Variants in AGBL1 observed in about 807,000 individuals in gnomAD.
The protein encoded by AGBL1 is AGBL carboxypeptidase 1.
In AGBL1, 130 loss-of-function variants were observed where a neutral mutation model predicts 118.9. That is an observed-to-expected ratio of 1.09 (90% CI 0.95 to 1.26). AGBL1 has a LOEUF of 1.26. Ranked by LOEUF, AGBL1 falls within the 50% of genes most tolerant of loss-of-function variation. The probability of loss-of-function intolerance (pLI) is 0.00; values close to 1 mark genes in which losing one functional copy is unlikely to be tolerated. For synonymous variants in AGBL1, 555 were observed against 478.9 expected, an observed-to-expected ratio of 1.16 and a Z score of -2.08; for missense variants, 1,584 against 1,298.1, an observed-to-expected ratio of 1.22 and a Z score of -3.38.
At chr15:86,141,621 C>T (rs1001905516) in intron 1 of AGBL1, among the ~76,000 whole-genome samples, 4 of 152,024 alleles carry the variant, frequency 2.6e-5, no homozygotes, top group Admixed American at 6.5e-5. Context: ...ACTGCACCCC[C>T]GCCTGGGCAA....
chr15:86,901,278 A>T (rs4470115), intron 22 of AGBL1, among the ~76,000 whole-genome samples: 3 of 151,994 alleles, frequency 2.0e-5, no homozygotes, highest in African/African-American at 4.8e-5. Flanking sequence ...AAAGAATTCC[A>T]TCATAAGTTT....
intron 23 of AGBL1, among the ~76,000 whole-genome samples, chr15:86,932,059 A>G (rs1195099598): frequency 6.6e-6 from 1 of 152,154 alleles, no homozygotes; most frequent in Non-Finnish European, 1.5e-5. Context: ...TATCTTATCT[A>G]GCTTGTACAG....
chr15:86,267,010 C>T lies in AGBL1; in HGVS notation c.1772C>T (p.Ser591Phe). Residue 591 changes from serine to phenylalanine, a missense_variant, in exon 13 of 23, where the codon TCC becomes TTC. By Grantham distance (155) the Ser-to-Phe change is radical (BLOSUM62 -2). Coordinates refer to ENST00000614907, the MANE Select transcript of AGBL1 (RefSeq NM_001386094.1). ...TGTAGGCCTTTGCAAGACAATGCTT[C>T]CAATTGTTTACGGTTCTTCTCCAAA... ...DEPWPLQDNASNCLRFFSKFE... is the reference protein window; with the variant it reads ...DEPWPLQDNAFNCLRFFSKFE... 3 of 1,570,794 alleles carry T rather than the reference C, an allele frequency of 1.9e-6. No individual in the cohort carries two copies. The highest frequency in any genetic ancestry group is 1.2e-5 in the South Asian group (1 of 85,250).
At chr15:86,276,703 T>A (rs2079257628) in intron 15 of AGBL1, among the ~76,000 whole-genome samples, 1 of 152,128 alleles carries the variant, frequency 6.6e-6, no homozygotes, top group African/African-American at 2.4e-5. Context: ...TGAAGAAGAC[T>A]TAGCTAAATA....
At chr15:86,186,489 G>C (rs888829564) in intron 5 of AGBL1, among the ~76,000 whole-genome samples, 4 of 152,158 alleles carry the variant, frequency 2.6e-5, no homozygotes, top group Non-Finnish European at 5.9e-5. Flanking sequence ...AAGATTGTTT[G>C]TTCTTTTGTG....
intron 23 of AGBL1, among the ~76,000 whole-genome samples, chr15:86,952,285 C>T (rs2080887972): frequency 6.6e-6 from 1 of 151,854 alleles, no homozygotes; most frequent in Admixed American, 6.6e-5. Context: ...GTGTTAGTAG[C>T]ATACAAATTA....
chr15:86,320,320 G>A (rs919239876), intron 17 of AGBL1, among the ~76,000 whole-genome samples: 1 of 151,578 alleles, frequency 6.6e-6, no homozygotes, highest in Non-Finnish European at 1.5e-5. Flanking sequence ...TTTGTATAAA[G>A]AGCTTGCTTT....
At chr15:86,560,394 G>GT (rs1296985577) in intron 21 of AGBL1, among the ~76,000 whole-genome samples, 3 of 151,552 alleles carry the variant, frequency 2.0e-5, no homozygotes, top group African/African-American at 7.3e-5. Context: ...GTGGTGTTTG[G>GT]TTTTTTGTCC....
chr15:86,107,100 A>T (rs4887282), intron 1 of AGBL1, among the ~76,000 whole-genome samples: 3 of 152,178 alleles, frequency 2.0e-5, no homozygotes, highest in Non-Finnish European at 2.9e-5. Context: ...CATTCAGGGC[A>T]CAAAATCATC....
At chr15:86,893,340 A>G (rs2080077504) in intron 22 of AGBL1, among the ~76,000 whole-genome samples, 1 of 152,218 alleles carries the variant, frequency 6.6e-6, no homozygotes, top group Non-Finnish European at 1.5e-5. Flanking sequence ...AAGAGAAAAC[A>G]AGTGATAAAA....
chr15:86,892,616 C>A (rs888794605), intron 22 of AGBL1, among the ~76,000 whole-genome samples: 2 of 152,008 alleles, frequency 1.3e-5, no homozygotes, highest in East Asian at 3.8e-4. Flanking sequence ...TGTTTATTTG[C>A]TTATATTTTA....
chr15:86,970,795 T>C (rs969617910), intron 23 of AGBL1, among the ~76,000 whole-genome samples: 4 of 152,098 alleles, frequency 2.6e-5, no homozygotes, highest in Non-Finnish European at 5.9e-5. Context: ...AACTGCAGAA[T>C]AGTGTACAAT....
intron 21 of AGBL1, among the ~76,000 whole-genome samples, chr15:86,606,981 T>TCCCTTCCCAAA (rs71144057): frequency 1.3e-5 from 2 of 151,430 alleles, no homozygotes; most frequent in Admixed American, 6.6e-5. Context: ...CTTCCTTCTT[T>TCCCTTCCCAAA]CCCTTGGTGG....
intron 24 of AGBL1, among the ~76,000 whole-genome samples, chr15:87,018,142 T>C (rs1028502183): frequency 7.4e-6 from 1 of 134,740 alleles, no homozygotes; most frequent in African/African-American, 4.0e-5. Context: ...GTGCCTACAA[T>C]GGATTGGGGT....
intron 20 of AGBL1, among the ~76,000 whole-genome samples, chr15:86,552,320 T>A (rs964570110): frequency 6.6e-6 from 1 of 151,914 alleles, no homozygotes; most frequent in African/African-American, 2.4e-5. Flanking sequence ...CCTTTTTATT[T>A]TTTTTAAAAA....
chr15:86,187,322 A>G (rs928538285), intron 5 of AGBL1, among the ~76,000 whole-genome samples: 5 of 152,186 alleles, frequency 3.3e-5, no homozygotes, highest in Admixed American at 1.3e-4. Context: ...TACAACACAG[A>G]TAAGAGCCGC....
At chr15:86,151,722 G>C (rs1000540099) in intron 3 of AGBL1, among the ~76,000 whole-genome samples, 7 of 152,204 alleles carry the variant, frequency 4.6e-5, no homozygotes. Context: ...ATTAGGAAAA[G>C]AGGAAGTCAA....
At chr15:86,402,545 G>T (rs1226794223) in intron 18 of AGBL1, among the ~76,000 whole-genome samples, 1 of 152,128 alleles carries the variant, frequency 6.6e-6, no homozygotes, top group Non-Finnish European at 1.5e-5. Flanking sequence ...TGAAAGAAAT[G>T]TCCTGTGTGT....
At chr15:86,768,414 C>A (rs2078126824) in intron 22 of AGBL1, among the ~76,000 whole-genome samples, 1 of 152,012 alleles carries the variant, frequency 6.6e-6, no homozygotes, top group South Asian at 2.1e-4. Context: ...TTCCCCTTCC[C>A]ACCTTATCTT....
Sources: allele counts gnomAD v4.1 joint callset (sites outside exome capture counted in the v4.1 genomes callset), GRCh38; gene constraint gnomAD v4.1.1; transcripts MANE v1.5; gene names NCBI Gene and HGNC (gene_info 2026-07-23, HGNC 2026-07-21).